The following PPP1R16B variants were observed in gnomAD, a reference collection of about 807,000 sequenced individuals.
The protein encoded by PPP1R16B is protein phosphatase 1 regulatory subunit 16B.
In PPP1R16B, 14 loss-of-function variants were observed where a neutral mutation model predicts 61.7. The ratio of observed to expected loss-of-function variants is 0.23; its 90% CI spans 0.15 to 0.35. The LOEUF (loss-of-function observed/expected upper bound fraction) is 0.35. Among genes scored for constraint, PPP1R16B ranks in the 10% least tolerant of loss-of-function variants. PPP1R16B has a pLI of 1.00. For synonymous variants in PPP1R16B, 266 were observed against 305.3 expected (o/e 0.87, Z 1.34); for missense variants, 547 against 752.5 (o/e 0.73, Z 3.19).
rs190260968 is a variant in PPP1R16B, at chr20:38,911,228, G to A, written c.1194+3035G>A. Among the ~76,000 whole-genome samples the A allele has an allele frequency of 1.6e-4, 24 of 145,838 alleles. No homozygotes were observed. The East Asian group carries it at 3.6e-3, about 22-fold the overall frequency. ...GTCCCCCAGGCTGGAGTGCATTGGC[G>A]CGATCTCGGCTCACTGCAACCTCCA... On this transcript the variant is annotated intron_variant, in intron 10 of 10. Transcript: ENST00000299824.
At chr20:38,878,777 T>C (rs2085185568) in intron 2 of PPP1R16B, among the ~76,000 whole-genome samples, 1 of 152,202 alleles carries the variant, frequency 6.6e-6, no homozygotes, top group Admixed American at 6.5e-5. Context: ...TATTACAGTG[T>C]TTATATGCAT....
intron 1 of PPP1R16B, among the ~76,000 whole-genome samples, chr20:38,810,616 G>A (rs934692870): frequency 3.3e-5 from 5 of 152,264 alleles, no homozygotes; most frequent in East Asian, 1.9e-4. Context: ...GAGAGAAGAG[G>A]GTAGAAGTGG....
chr20:38,845,387 C>A (rs183895390), intron 2 of PPP1R16B, among the ~76,000 whole-genome samples: 1 of 152,142 alleles, frequency 6.6e-6, no homozygotes, highest in African/African-American at 2.4e-5. Context: ...TTCAAGACTG[C>A]AATGAGCTGT....
chr20:38,908,083 T>C lies in PPP1R16B; in HGVS notation c.1084T>C (p.Tyr362His). Residue 362 changes from tyrosine to histidine, a missense_variant, in exon 10 of 11, where the codon TAT becomes CAT. Coordinates refer to ENST00000299824, the MANE Select transcript of PPP1R16B (RefSeq NM_015568.4). Reference sequence around the variant, plus strand: ...CAGGACCAACCTGTATAGGAAGGAGTATGAGGGAGAGGCCATCCTGTGGCA... The same window carrying C: ...CAGGACCAACCTGTATAGGAAGGAGCATGAGGGAGAGGCCATCCTGTGGCA... ...SDRTNLYRKE[Y>H]EGEAILWQRS... The C allele has an allele frequency of 1.2e-6, 2 of 1,613,406 alleles. No homozygotes were observed. Among genetic ancestry groups the C allele is most frequent in the Non-Finnish European group, 1.7e-6 (2 of 1,179,850 alleles).
At chr20:38,872,183 A>G (rs1055563435) in intron 2 of PPP1R16B, among the ~76,000 whole-genome samples, 2 of 152,166 alleles carry the variant, frequency 1.3e-5, no homozygotes, top group Admixed American at 1.3e-4. Flanking sequence ...TCAGTCATTT[A>G]ATCATTTGCT....
chr20:38,834,253 G>A (rs921622245), intron 1 of PPP1R16B, among the ~76,000 whole-genome samples: 5 of 152,110 alleles, frequency 3.3e-5, no homozygotes, highest in Non-Finnish European at 5.9e-5. Context: ...TCAAGCTGTC[G>A]TCCCACCCTG....
intron 10 of PPP1R16B, among the ~76,000 whole-genome samples, chr20:38,913,241 A>G (rs1290535018): frequency 2.0e-5 from 3 of 151,868 alleles, no homozygotes; most frequent in Non-Finnish European, 4.4e-5. Flanking sequence ...GGACCTCAGC[A>G]TTGTATATGT....
At chr20:38,818,095 G>C (rs549173965) in intron 1 of PPP1R16B, among the ~76,000 whole-genome samples, 12 of 152,336 alleles carry the variant, frequency 7.9e-5, no homozygotes, top group African/African-American at 2.9e-4. Flanking sequence ...AGGTTAGTGT[G>C]GTGTAGTGAA....
At chr20:38,895,862 C>T (rs13037861) in intron 4 of PPP1R16B, 152 bp downstream of exon 4, 39,573 of 332,410 alleles carry the variant, frequency 0.12, 1,723 homozygotes, top group East Asian at 0.21. Context: ...CTTCTTTCTT[C>T]CCTCCCTCCC....
intron 10 of PPP1R16B, among the ~76,000 whole-genome samples, chr20:38,910,979 G>A (rs2085484024): frequency 6.6e-6 from 1 of 151,634 alleles, no homozygotes; most frequent in Admixed American, 6.6e-5. Flanking sequence ...TGGGGACAGA[G>A]CGAGACTCCG....
intron 2 of PPP1R16B, among the ~76,000 whole-genome samples, chr20:38,859,274 T>G (rs2085030477): frequency 6.7e-6 from 1 of 148,890 alleles, no homozygotes. Context: ...GAACGGGGAG[T>G]GACTGCTAGT....
At chr20:38,908,229 C>T (rs1568684843) in intron 10 of PPP1R16B, 36 bp downstream of exon 10, 1 of 1,611,782 alleles carries the variant, frequency 6.2e-7, no homozygotes. Context: ...GTGTCAGCCA[C>T]TGCAATGGGA....
chr20:38,898,778 C>T (rs1052980873), intron 4 of PPP1R16B, among the ~76,000 whole-genome samples: 2 of 151,946 alleles, frequency 1.3e-5, no homozygotes, highest in Non-Finnish European at 2.9e-5. Flanking sequence ...CCACTGCACA[C>T]CAGCCTGGGT....
At chr20:38,868,525 CAGGCACA>C (rs2085105028) in intron 2 of PPP1R16B, among the ~76,000 whole-genome samples, 1 of 152,076 alleles carries the variant, frequency 6.6e-6, no homozygotes, top group Non-Finnish European at 1.5e-5. Context: ...GCTGGGATTA[CAGGCACA>C]TGCCACCTCG....
At chr20:38,863,000 A>G (rs549627445) in intron 2 of PPP1R16B, among the ~76,000 whole-genome samples, 1 of 152,244 alleles carries the variant, frequency 6.6e-6, no homozygotes, top group East Asian at 1.9e-4. Flanking sequence ...CAGTAGATAC[A>G]ATGGTCCCCC....
chr20:38,883,506 C>T (rs2085218369), intron 2 of PPP1R16B, among the ~76,000 whole-genome samples: 2 of 152,184 alleles, frequency 1.3e-5, no homozygotes, highest in South Asian at 2.1e-4. Flanking sequence ...GAGGTGTAGG[C>T]GGAGCAGCGG....
intron 2 of PPP1R16B, among the ~76,000 whole-genome samples, chr20:38,868,167 G>A (rs373994183): frequency 9.2e-5 from 14 of 152,244 alleles, no homozygotes; most frequent in South Asian, 6.2e-4. Context: ...CAGAGCAAAG[G>A]CTCACTCTGG....
At chr20:38,913,090 C>A (rs1422216051) in intron 10 of PPP1R16B, among the ~76,000 whole-genome samples, 1 of 151,436 alleles carries the variant, frequency 6.6e-6, no homozygotes, top group Non-Finnish European at 1.5e-5. Flanking sequence ...AGGCTGGTCT[C>A]GAACTCCTGA....
At chr20:38,860,820 T>A (rs1186325426) in intron 2 of PPP1R16B, among the ~76,000 whole-genome samples, 1 of 152,092 alleles carries the variant, frequency 6.6e-6, no homozygotes, top group East Asian at 1.9e-4. Flanking sequence ...GTGGAAGAAA[T>A]TTTGCTTTAT....
Sources: gnomAD v4.1 joint callset for allele counts (sites outside exome capture counted in the v4.1 genomes callset) on GRCh38, gnomAD v4.1.1 for gene constraint, MANE v1.5 for transcripts, NCBI Gene and HGNC (gene_info 2026-07-23, HGNC 2026-07-21) for gene names.